The following DLGAP2 variants were observed in gnomAD, a reference collection of about 807,000 sequenced individuals.
The protein encoded by DLGAP2 is disks large-associated protein 2.
Under a neutral mutation model 100.3 loss-of-function variants are expected in DLGAP2, and 26 were observed. That is an observed-to-expected ratio of 0.26 (90% CI 0.19 to 0.36). The LOEUF is 0.36. Among genes scored for constraint, DLGAP2 ranks in the 10% least tolerant of loss-of-function variants. The pLI, the probability that DLGAP2 is intolerant of heterozygous loss-of-function variation, is 1.00. For missense variants in DLGAP2, 1,858 were observed against 1,453.2 expected, an observed-to-expected ratio of 1.28 and a Z score of -4.53; for synonymous variants, 886 against 630.1, an observed-to-expected ratio of 1.41 and a Z score of -6.08.
chr8:798,016 C>T (rs1378945047), intron 1 of DLGAP2, among the ~76,000 whole-genome samples: 4 of 152,322 alleles, frequency 2.6e-5, no homozygotes, highest in African/African-American at 7.2e-5. Context: ...TCCCAAAGTG[C>T]TGGGATTACA....
chr8:947,887 G>A (rs1271036579), intron 2 of DLGAP2, among the ~76,000 whole-genome samples: 2 of 145,028 alleles, frequency 1.4e-5, no homozygotes, highest in African/African-American at 5.2e-5. Flanking sequence ...GTGCCAGCCC[G>A]TGTGGGCCAT....
intron 13 of DLGAP2, among the ~76,000 whole-genome samples, 200 bp downstream of exon 13, chr8:1,691,826 G>C (rs538103785): frequency 4.3e-4 from 65 of 151,030 alleles, no homozygotes; most frequent in African/African-American, 1.5e-3. Flanking sequence ...GAGGCAGGGA[G>C]GCGGATACGG....
chr8:997,477 C>G (rs906265218), intron 2 of DLGAP2, among the ~76,000 whole-genome samples: 1 of 152,152 alleles, frequency 6.6e-6, no homozygotes, highest in Non-Finnish European at 1.5e-5. Flanking sequence ...AAGCCTTCTA[C>G]TCCTCAGGAG....
chr8:1,005,828 C>A (rs1430577661), intron 2 of DLGAP2, among the ~76,000 whole-genome samples: 1 of 152,018 alleles, frequency 6.6e-6, no homozygotes, highest in Non-Finnish European at 1.5e-5. Context: ...ATTCAATGAC[C>A]CAAATAATAC....
intron 3 of DLGAP2, among the ~76,000 whole-genome samples, chr8:1,480,781 G>A (rs998689632): frequency 1.3e-5 from 2 of 151,756 alleles, no homozygotes; most frequent in African/African-American, 2.4e-5. Flanking sequence ...CAGGAGAATC[G>A]CTTGAACCCG....
intron 2 of DLGAP2, among the ~76,000 whole-genome samples, chr8:1,234,350 T>G (rs1033776840): frequency 3.3e-5 from 5 of 152,172 alleles, no homozygotes; most frequent in African/African-American, 9.7e-5. Context: ...GTACGTGTTC[T>G]AGGCATCTCT....
intron 2 of DLGAP2, among the ~76,000 whole-genome samples, chr8:1,011,490 C>T (rs1312849739): frequency 6.6e-6 from 1 of 150,682 alleles, no homozygotes; most frequent in African/African-American, 2.5e-5. Context: ...CACAGTGGGC[C>T]CTGGAATGAG....
chr8:1,334,243 G>T (rs34523986), intron 3 of DLGAP2, among the ~76,000 whole-genome samples: 1 of 152,246 alleles, frequency 6.6e-6, no homozygotes, highest in South Asian at 2.1e-4. Context: ...CACCTGAGCT[G>T]GTTAAGCTGA....
intron 2 of DLGAP2, among the ~76,000 whole-genome samples, chr8:1,224,295 A>G (rs994942513): frequency 6.6e-6 from 1 of 152,254 alleles, no homozygotes; most frequent in East Asian, 1.9e-4. Flanking sequence ...CATATAAGAG[A>G]CATAATTGAC....
At chr8:1,188,987 C>G (rs950176262) in intron 2 of DLGAP2, among the ~76,000 whole-genome samples, 1 of 149,636 alleles carries the variant, frequency 6.7e-6, no homozygotes, top group African/African-American at 2.5e-5. Context: ...GGCCCCAGGC[C>G]GGTTCCGCGG....
chr8:1,214,321 A>G (rs1798168044), intron 2 of DLGAP2, among the ~76,000 whole-genome samples: 1 of 152,222 alleles, frequency 6.6e-6, no homozygotes, highest in South Asian at 2.1e-4. Flanking sequence ...CGGCCCCGCC[A>G]CTCAGGTGAT....
chr8:1,683,987 T>TATATAC lies in DLGAP2; in HGVS notation c.2704+5359_2704+5360insTATACA, dbSNP rs1178906686. The stretch of plus-strand genomic sequence containing the variant: ...ATATATATATATATATATATATATA[T>TATATAC]ACTTTTTTTTTTAAGACGAAGTCTC... On this transcript the variant is annotated intron_variant, in intron 12 of 14. Transcript: ENST00000637795. 2.5e-3 allele frequency among the ~76,000 whole-genome samples: 254 copies of TATATAC among 99,656 alleles called. 6 individuals carry two copies. Among genetic ancestry groups the TATATAC allele is most frequent in the African/African-American group, 9.0e-3 (243 of 27,042 alleles). The allele number at this position is 99,656 out of a possible 152,430, so 65.4% of individuals were successfully genotyped here. A position where few individuals can be genotyped will look rare whatever the true frequency, so the allele number is the denominator to read the frequency against.
chr8:1,102,351 A>T (rs1396260120), intron 2 of DLGAP2, among the ~76,000 whole-genome samples: 1 of 147,754 alleles, frequency 6.8e-6, no homozygotes, highest in South Asian at 2.1e-4. Context: ...ATTATATATT[A>T]TATATCTATT....
At chr8:1,690,962 C>A (rs920258769) in intron 12 of DLGAP2, among the ~76,000 whole-genome samples, 1 of 152,134 alleles carries the variant, frequency 6.6e-6, no homozygotes, top group African/African-American at 2.4e-5. Flanking sequence ...GTGCTACGAC[C>A]TTCCTGTGAG....
intron 8 of DLGAP2, among the ~76,000 whole-genome samples, chr8:1,646,809 G>A (rs991537590): frequency 6.8e-6 from 1 of 148,050 alleles, no homozygotes; most frequent in African/African-American, 2.4e-5. Flanking sequence ...GGGGCCAGAG[G>A]GCAAACGGAT....
intron 3 of DLGAP2, among the ~76,000 whole-genome samples, chr8:1,304,734 T>C (rs1800450270): frequency 6.6e-6 from 1 of 152,170 alleles, no homozygotes; most frequent in South Asian, 2.1e-4. Flanking sequence ...GGGTAATTTA[T>C]CGAAAGCTAA....
intron 9 of DLGAP2, 48 bp downstream of exon 9, chr8:1,668,726 C>T: frequency 6.9e-7 from 1 of 1,455,008 alleles, no homozygotes; most frequent in South Asian, 1.4e-5. Flanking sequence ...CTCAGTCCTG[C>T]CAATAGCCTA....
chr8:1,360,853 T>A (rs924199576), intron 3 of DLGAP2, among the ~76,000 whole-genome samples: 13 of 152,002 alleles, frequency 8.6e-5, no homozygotes, highest in African/African-American at 3.1e-4. Flanking sequence ...CACACGACGG[T>A]GAGATCCAGA....
chr8:1,115,650 C>G (rs978717273), intron 2 of DLGAP2, among the ~76,000 whole-genome samples: 3 of 152,146 alleles, frequency 2.0e-5, no homozygotes, highest in Admixed American at 2.0e-4. Flanking sequence ...TCAAACAATT[C>G]AGAGGACGGA....
Sources: allele counts gnomAD v4.1 joint callset (sites outside exome capture counted in the v4.1 genomes callset), GRCh38; gene constraint gnomAD v4.1.1; transcripts MANE v1.5; gene names NCBI Gene and HGNC (gene_info 2026-07-23, HGNC 2026-07-21).